The following GPR158 variants were observed in gnomAD, a reference collection of about 807,000 sequenced individuals.
The protein encoded by GPR158 is metabotropic glycine receptor.
Under a neutral mutation model 78.2 loss-of-function variants are expected in GPR158, and 30 were observed. The ratio of observed to expected loss-of-function variants is 0.38; its 90% CI spans 0.29 to 0.52. The LOEUF is 0.52. Ranked by LOEUF, GPR158 falls within the 20% of genes least tolerant of loss-of-function variation. The pLI is 0.83. For synonymous variants in GPR158, 581 were observed against 591.1 expected (o/e 0.98, Z 0.25); for missense variants, 1,463 against 1,523.5 (o/e 0.96, Z 0.66).
chr10:25,313,637 A>T (rs951151003), intron 2 of GPR158, among the ~76,000 whole-genome samples: 1 of 152,168 alleles, frequency 6.6e-6, no homozygotes, highest in East Asian at 1.9e-4. Context: ...ATATTTTATT[A>T]TACTAATGGA....
intron 5 of GPR158, among the ~76,000 whole-genome samples, chr10:25,481,194 A>T (rs1034153419): frequency 1.4e-5 from 2 of 139,160 alleles, no homozygotes; most frequent in Non-Finnish European, 3.2e-5. Context: ...ATGGACTGAG[A>T]CCTTTACTGG....
chr10:25,330,271 C>A (rs532037087), intron 2 of GPR158, among the ~76,000 whole-genome samples: 2 of 152,098 alleles, frequency 1.3e-5, no homozygotes. Context: ...ATTCCTAACA[C>A]GGCCCCTCTT....
At chr10:25,592,886 A>G (rs1335412107) in intron 8 of GPR158, among the ~76,000 whole-genome samples, 4 of 138,128 alleles carry the variant, frequency 2.9e-5, no homozygotes, top group African/African-American at 1.1e-4. Flanking sequence ...ACTGAGTGTA[A>G]TGATCCTATT....
At chr10:25,267,647 A>T (rs1854060403) in intron 2 of GPR158, among the ~76,000 whole-genome samples, 1 of 152,326 alleles carries the variant, frequency 6.6e-6, no homozygotes, top group African/African-American at 2.4e-5. Context: ...TCAAAGCTTC[A>T]CCATAATCTC....
At chr10:25,485,928 C>A (rs1022037518) in intron 5 of GPR158, among the ~76,000 whole-genome samples, 3 of 152,108 alleles carry the variant, frequency 2.0e-5, no homozygotes, top group African/African-American at 7.2e-5. Context: ...GATGGTGGGG[C>A]CCTTATGAAT....
At chr10:25,275,301 T>C (rs997603332) in intron 2 of GPR158, among the ~76,000 whole-genome samples, 1 of 152,140 alleles carries the variant, frequency 6.6e-6, no homozygotes, top group Non-Finnish European at 1.5e-5. Context: ...ACCCCAAACC[T>C]TCTGAATTTC....
intron 6 of GPR158, among the ~76,000 whole-genome samples, chr10:25,565,110 G>C (rs1389554743): frequency 6.6e-6 from 1 of 152,072 alleles, no homozygotes; most frequent in Non-Finnish European, 1.5e-5. Context: ...CTGCTTCTTC[G>C]AGTTTCTGGG....
At chr10:25,504,569 A>G (rs947435091) in intron 5 of GPR158, among the ~76,000 whole-genome samples, 1 of 152,150 alleles carries the variant, frequency 6.6e-6, no homozygotes, top group Non-Finnish European at 1.5e-5. Flanking sequence ...ACAAAGGCAC[A>G]TCTCAACTCT....
chr10:25,525,792 C>T (rs183647615), intron 5 of GPR158, among the ~76,000 whole-genome samples: 1 of 152,210 alleles, frequency 6.6e-6, no homozygotes, highest in Admixed American at 6.5e-5. Flanking sequence ...ATGAATTACA[C>T]TGCAATAAAG....
chr10:25,550,416 C>T (rs562238223), intron 5 of GPR158, among the ~76,000 whole-genome samples: 6 of 152,118 alleles, frequency 3.9e-5, no homozygotes, highest in East Asian at 1.9e-4. Flanking sequence ...ATGCAGTATA[C>T]GGCAATCTCA....
In GPR158 at chr10:25,373,994, T is replaced by G. The variant is rs150699046; in HGVS notation, c.1009-21917T>G. ...ATACTTAATGATTTTTTGTGTAATTTTTCTACCATTACTGCAAAAAAATGT... is the reference window on the plus strand; with the variant it reads ...ATACTTAATGATTTTTTGTGTAATTGTTCTACCATTACTGCAAAAAAATGT... On this transcript the variant is annotated intron_variant, in intron 2 of 10. Transcript: ENST00000376351. Among the ~76,000 whole-genome samples the G allele has an allele frequency of 1.6e-3, 238 of 151,920 alleles. 1 individual carries two copies. Among genetic ancestry groups the G allele is most frequent in the African/African-American group, 5.4e-3 (225 of 41,540 alleles).
At chr10:25,289,577 C>T (rs1035832929) in intron 2 of GPR158, among the ~76,000 whole-genome samples, 16 of 151,964 alleles carry the variant, frequency 1.1e-4, no homozygotes, top group South Asian at 4.1e-4. Flanking sequence ...GGACTACAGG[C>T]GCCCACCACC....
intron 2 of GPR158, among the ~76,000 whole-genome samples, chr10:25,299,245 G>A (rs1854557893): frequency 6.6e-6 from 1 of 151,776 alleles, no homozygotes; most frequent in Non-Finnish European, 1.5e-5. Flanking sequence ...TGTGTGTGTG[G>A]TAAGGGCACC....
rs1021050256 is a variant in GPR158, at chr10:25,517,027, T to C, written c.1405-33949T>C. 6.6e-5 allele frequency among the ~76,000 whole-genome samples: 10 copies of C among 150,402 alleles called. 2 individuals are homozygous for C. The highest frequency in any genetic ancestry group is 2.5e-4 in the African/African-American group (10 of 39,718). ...AGCATGGAATGCTCTTCCATTTGTT[T>C]GTATCCTCTTTTGTTTCATTGAGCA... is the stretch of plus-strand genomic sequence containing the variant. On this transcript the variant is annotated intron_variant, in intron 5 of 10. Transcript: ENST00000376351.
At chr10:25,394,238 TG>T (rs1269562997) in intron 2 of GPR158, among the ~76,000 whole-genome samples, 1 of 152,194 alleles carries the variant, frequency 6.6e-6, no homozygotes, top group African/African-American at 2.4e-5. Flanking sequence ...ACTATGTCTG[TG>T]TCTGGTGGAA....
At chr10:25,259,720 A>G (rs1411541231) in intron 2 of GPR158, among the ~76,000 whole-genome samples, 1 of 152,160 alleles carries the variant, frequency 6.6e-6, no homozygotes, top group Non-Finnish European at 1.5e-5. Context: ...GTTTCTGAAC[A>G]TATTGTATCT....
chr10:25,580,921 TTA>T (rs1491044048), intron 7 of GPR158, among the ~76,000 whole-genome samples: 2 of 94,462 alleles, frequency 2.1e-5, no homozygotes, highest in Admixed American at 9.8e-5. Flanking sequence ...TTATTTTATT[TTA>T]TTTTATTTTT....
chr10:25,382,502 C>T (rs1834169467), intron 2 of GPR158, among the ~76,000 whole-genome samples: 1 of 152,154 alleles, frequency 6.6e-6, no homozygotes, highest in African/African-American at 2.4e-5. Flanking sequence ...GTTTATCATA[C>T]TTTTAAAACT....
chr10:25,456,208 G>A (rs758957179), intron 4 of GPR158, among the ~76,000 whole-genome samples: 13 of 151,994 alleles, frequency 8.6e-5, no homozygotes, highest in Non-Finnish European at 1.8e-4. Context: ...GTTTTTGTTC[G>A]TTTTCTTGCT....
Sources: gnomAD v4.1 joint callset for allele counts (sites outside exome capture counted in the v4.1 genomes callset) on GRCh38, gnomAD v4.1.1 for gene constraint, MANE v1.5 for transcripts, NCBI Gene and HGNC (gene_info 2026-07-23, HGNC 2026-07-21) for gene names.